The following ST3GAL3 variants were observed in gnomAD, a reference collection of about 807,000 sequenced individuals.
The protein encoded by ST3GAL3 is CMP-N-acetylneuraminate-beta-1,4-galactoside alpha-2,3-sialyltransferase.
ST3GAL3 carries 21 observed loss-of-function variants against 50.1 expected under a neutral mutation model. The observed-to-expected ratio is 0.42, with a 90% CI of 0.30 to 0.60. ST3GAL3 has a LOEUF of 0.60. ST3GAL3 is among the 20% of genes least tolerant of loss of function. The pLI, the probability that ST3GAL3 is intolerant of heterozygous loss-of-function variation, is 0.19. For missense variants in ST3GAL3, 353 were observed against 489.4 expected (o/e 0.72, Z 2.63); for synonymous variants, 183 against 190.0 (o/e 0.96, Z 0.30).
intron 5 of ST3GAL3, among the ~76,000 whole-genome samples, chr1:43,870,339 G>A (rs535881935): frequency 1.3e-5 from 2 of 152,354 alleles, no homozygotes; most frequent in African/African-American, 2.4e-5. Flanking sequence ...AATCCCATGA[G>A]CCCTGTTGAA....
chr1:43,765,739 GTGTC>G (rs1185863064), intron 2 of ST3GAL3, among the ~76,000 whole-genome samples: 1 of 137,230 alleles, frequency 7.3e-6, no homozygotes, highest in East Asian at 2.1e-4. Context: ...GTGCATGTGT[GTGTC>G]TGTGTGTGTC....
intron 9 of ST3GAL3, among the ~76,000 whole-genome samples, chr1:43,918,135 A>T (rs868165089): frequency 2.8e-3 from 32 of 11,540 alleles, no homozygotes; most frequent in East Asian, 0.02. Flanking sequence ...TTTTTTTTTT[A>T]AGAGAGGGTC....
chr1:43,783,435 C>T (rs1194531161), intron 2 of ST3GAL3, among the ~76,000 whole-genome samples: 1 of 152,140 alleles, frequency 6.6e-6, no homozygotes, highest in Non-Finnish European at 1.5e-5. Context: ...CCAAGTCTGC[C>T]CATCTTGTCT....
At chr1:43,922,584 T>TAAGG (rs954605986) in intron 11 of ST3GAL3, 3 of 132,270 alleles carry the variant, frequency 2.3e-5, no homozygotes, top group African/African-American at 8.7e-5. Context: ...GTGGATCACC[T>TAAGG]AAGGTCAGGA....
intron 9 of ST3GAL3, among the ~76,000 whole-genome samples, chr1:43,901,491 G>A (rs796425703): frequency 2.4e-4 from 36 of 152,330 alleles, no homozygotes; most frequent in African/African-American, 7.5e-4. Flanking sequence ...ACCAATGTCA[G>A]TTAATTCAAG....
At chr1:43,709,010 A>G (rs1266223426) in intron 1 of ST3GAL3, among the ~76,000 whole-genome samples, 2 of 152,254 alleles carry the variant, frequency 1.3e-5, no homozygotes, top group East Asian at 3.8e-4. Context: ...CTAGAATTCC[A>G]AGATGGTAGG....
At chr1:43,814,771 C>A in intron 3 of ST3GAL3, 120 bp from the exon 4 acceptor site, 1 of 915,502 alleles carries the variant, frequency 1.1e-6, no homozygotes, top group Non-Finnish European at 1.8e-6. Context: ...TTCTTTGAAG[C>A]AGTTGAATTG....
chr1:43,761,950 C>CAAAAAA lies in ST3GAL3; in HGVS notation c.118+25594_118+25599dup, dbSNP rs67747915. Reference sequence around the variant, plus strand: ...TGGGCAACAGAGCGACACTCTGTCTCAAAAAAAAAAAAAAAAAAAAAAAAA... The same window carrying CAAAAAA: ...TGGGCAACAGAGCGACACTCTGTCTCAAAAAAAAAAAAAAAAAAAAAAAAAAAAAAA... On this transcript the variant is annotated intron_variant, in intron 2 of 11. Transcript: ENST00000347631. Among the ~76,000 whole-genome samples the CAAAAAA allele has an allele frequency of 1.4e-3, 93 of 68,842 alleles. 3 individuals are homozygous for CAAAAAA. Among genetic ancestry groups the CAAAAAA allele is most frequent in the African/African-American group, 8.8e-3 (91 of 10,356 alleles). The allele number at this position is 68,842 out of a possible 152,430, so 45.2% of individuals were successfully genotyped here. A position where few individuals can be genotyped will look rare whatever the true frequency, so the allele number is the denominator to read the frequency against.
chr1:43,884,773 G>T (rs1570645336), intron 5 of ST3GAL3, among the ~76,000 whole-genome samples: 2 of 152,202 alleles, frequency 1.3e-5, no homozygotes, highest in East Asian at 3.8e-4. Flanking sequence ...GTCATTGGGA[G>T]AAGTGGCTAA....
At chr1:43,755,766 G>A (rs1158921371) in intron 2 of ST3GAL3, among the ~76,000 whole-genome samples, 1 of 152,082 alleles carries the variant, frequency 6.6e-6, no homozygotes, top group Non-Finnish European at 1.5e-5. Context: ...AGGTTTTTAA[G>A]GATACAAGAA....
chr1:43,858,694 G>T (rs1357778137), intron 5 of ST3GAL3, among the ~76,000 whole-genome samples: 1 of 152,194 alleles, frequency 6.6e-6, no homozygotes, highest in Non-Finnish European at 1.5e-5. Flanking sequence ...ACAAGTCCCA[G>T]CGATGAGGCA....
rs185472852 is a variant in ST3GAL3 at position 43,816,472 on chromosome 1, C to T, written c.209+1539C>T. Among the ~76,000 whole-genome samples the T allele has an allele frequency of 2.2e-3, 333 of 152,262 alleles. 2 individuals are homozygous for T. Among genetic ancestry groups the T allele is most frequent in the African/African-American group, 7.5e-3 (311 of 41,548 alleles). Reference sequence around the variant, plus strand: ...TTTGATTGTGGTAGAAAGCCATAGGCTTCACTCTTAGAAAATCCTTAATTT... The same window carrying T: ...TTTGATTGTGGTAGAAAGCCATAGGTTTCACTCTTAGAAAATCCTTAATTT... On this transcript the variant is annotated intron_variant, in intron 4 of 11. Coordinates refer to ENST00000347631, the MANE Select transcript of ST3GAL3 (RefSeq NM_006279.5).
At chr1:43,921,384 G>C in intron 11 of ST3GAL3, 1 of 434,556 alleles carries the variant, frequency 2.3e-6, no homozygotes, top group Non-Finnish European at 4.0e-6. Context: ...CCGTATGTAG[G>C]GTACATTACA....
chr1:43,795,026 C>G (rs926206638), intron 3 of ST3GAL3, among the ~76,000 whole-genome samples: 3 of 152,076 alleles, frequency 2.0e-5, no homozygotes, highest in Non-Finnish European at 4.4e-5. Context: ...TTTTAGTGAC[C>G]TGAAGGGGTT....
At chr1:43,804,327 A>G (rs941070670) in intron 3 of ST3GAL3, among the ~76,000 whole-genome samples, 5 of 152,174 alleles carry the variant, frequency 3.3e-5, no homozygotes, top group Admixed American at 1.3e-4. Flanking sequence ...TATAATGCCT[A>G]TGCCTTCCTG....
At chr1:43,878,023 T>A (rs952144908) in intron 5 of ST3GAL3, among the ~76,000 whole-genome samples, 5 of 152,210 alleles carry the variant, frequency 3.3e-5, no homozygotes, top group Admixed American at 1.3e-4. Flanking sequence ...GGACAGAAGT[T>A]CAAAGTCAGT....
rs1686538816 is a variant in ST3GAL3, at chr1:43,752,486, C to T, written c.118+16106C>T. Among the ~76,000 whole-genome samples, 4 of 152,184 alleles carry T rather than the reference C, an allele frequency of 2.6e-5. No homozygotes were observed. The South Asian group carries it at 8.3e-4, about 32-fold the overall frequency. ...TTTTTTCCTTGGCTCTTCTTCCTCA[C>T]TTATTCCCTCACAATATTTTGTTTG... is the stretch of plus-strand genomic sequence containing the variant. On this transcript the variant is annotated intron_variant, in intron 2 of 11. Transcript: ENST00000347631.
Position 43,930,197 on chromosome 1 carries a change from C to T in ST3GAL3, c.1104C>T (p.Ile368=), listed in dbSNP as rs1372254339. ...FLRKLVKARV[I]TDLSSGI is the part of the protein sequence containing the mutation. ...GGAAGCTGGTGAAAGCTCGCGTCAT[C>T]ACTGATCTAAGCAGTGGCATCTGAG... The change falls in exon 12 of 12, where the codon ATC becomes ATT. Residue 368 remains isoleucine (I), a synonymous_variant. Transcript: ENST00000347631. The T allele has an allele frequency of 6.2e-7, 1 of 1,613,946 alleles. No homozygotes were observed. Among genetic ancestry groups the T allele is most frequent in the Non-Finnish European group, 8.5e-7 (1 of 1,180,042 alleles).
At chr1:43,873,196 T>C (rs543273811) in intron 5 of ST3GAL3, among the ~76,000 whole-genome samples, 191 of 152,184 alleles carry the variant, frequency 1.3e-3, no homozygotes, top group African/African-American at 4.1e-3. Flanking sequence ...GGAGAGATGA[T>C]TGTGACCTGG....
Sources: gnomAD v4.1 joint callset for allele counts (sites outside exome capture counted in the v4.1 genomes callset) on GRCh38, gnomAD v4.1.1 for gene constraint, MANE v1.5 for transcripts, NCBI Gene and HGNC (gene_info 2026-07-23, HGNC 2026-07-21) for gene names.